The following MYO10 variants were observed in gnomAD, a reference collection of about 807,000 sequenced individuals.
The protein encoded by MYO10 is myosin X.
Under a neutral mutation model 257.3 loss-of-function variants are expected in MYO10, and 133 were observed. The ratio of observed to expected loss-of-function variants is 0.52; its 90% confidence interval spans 0.45 to 0.60. The LOEUF (loss-of-function observed/expected upper bound fraction) is 0.60, where lower values mean the gene tolerates loss of function less well. Among genes scored for constraint, MYO10 ranks in the 20% least tolerant of loss-of-function variants. The pLI is 0.00. For missense variants in MYO10, 2,399 were observed against 2,635.7 expected, an observed-to-expected ratio of 0.91 and a Z score of 1.97; for synonymous variants, 1,104 against 1,028.6, an observed-to-expected ratio of 1.07 and a Z score of -1.40.
At chr5:16,743,039 G>GA in intron 19 of MYO10, among the ~76,000 whole-genome samples, 1 of 152,290 alleles carries the variant, frequency 6.6e-6, no homozygotes, top group South Asian at 2.1e-4. Context: ...AGAATCTCTT[G>GA]AACCCGGGAG....
At chr5:16,674,821 C>T (rs181519209) in intron 35 of MYO10, 32 bp downstream of exon 35, 16 of 1,611,772 alleles carry the variant, frequency 9.9e-6, no homozygotes, top group Admixed American at 6.7e-5. Flanking sequence ...AGCAGCTCTG[C>T]CCAGCTCATC....
At chr5:16,702,507 A>G (rs1305987237) in intron 24 of MYO10, 36 bp downstream of exon 24, 6 of 1,567,750 alleles carry the variant, frequency 3.8e-6, no homozygotes. Flanking sequence ...AAGGAAGTAG[A>G]AACACAAGAG....
chr5:16,832,091 C>A (rs1490780583), intron 2 of MYO10, among the ~76,000 whole-genome samples: 1 of 152,062 alleles, frequency 6.6e-6, no homozygotes. Context: ...GGACTACAGG[C>A]GCATGCCACC....
chr5:16,812,557 C>CTG (rs1320207312), intron 3 of MYO10, among the ~76,000 whole-genome samples: 1 of 152,338 alleles, frequency 6.6e-6, no homozygotes, highest in East Asian at 1.9e-4. Flanking sequence ...AGGCCATGTG[C>CTG]TGTGAGCTGG....
chr5:16,816,665 G>A (rs977216978), intron 3 of MYO10, among the ~76,000 whole-genome samples: 2 of 151,490 alleles, frequency 1.3e-5, no homozygotes, highest in African/African-American at 4.8e-5. Flanking sequence ...CGAGTAGCTG[G>A]GATTACAGGC....
intron 27 of MYO10, among the ~76,000 whole-genome samples, chr5:16,693,715 T>C (rs931531518): frequency 6.6e-6 from 1 of 152,214 alleles, no homozygotes; most frequent in African/African-American, 2.4e-5. Context: ...TTTTCAGGCT[T>C]AGTATCTAGT....
intron 19 of MYO10, among the ~76,000 whole-genome samples, chr5:16,747,204 C>T (rs899648580): frequency 2.0e-5 from 3 of 152,212 alleles, no homozygotes; most frequent in African/African-American, 7.2e-5. Flanking sequence ...AGGAGCATGT[C>T]AGCATAAAAA....
chr5:16,927,876 T>C (rs2650459), intron 1 of MYO10, among the ~76,000 whole-genome samples: 71,503 of 152,024 alleles, frequency 0.47, 17,140 homozygotes, highest in African/African-American at 0.53. Context: ...TTAGGCCTGG[T>C]GGAAATATTT....
rs116749217 is a variant in MYO10 at position 16,913,788 on chromosome 5, T to A, written c.21+22000A>T. 5.7e-3 allele frequency among the ~76,000 whole-genome samples: 872 copies of A among 152,228 alleles called. 10 individuals carry two copies. Among genetic ancestry groups the A allele is most frequent in the African/African-American group, 0.02 (832 of 41,524 alleles). ...TTCAGAAATAAGGCCAGCAAAATTC[T>A]GAGCTCCAAGAACAACAGGCCAGGC... On this transcript the variant is annotated intron_variant, in intron 1 of 40. Transcript: ENST00000513610.
At chr5:16,888,601 G>GA (rs1025909635) in intron 1 of MYO10, among the ~76,000 whole-genome samples, 17 of 146,846 alleles carry the variant, frequency 1.2e-4, no homozygotes, top group East Asian at 4.0e-4. Context: ...GTCTCAAAAG[G>GA]AAAAAAAAAA....
At chr5:16,673,115 C>G (rs924622675) in intron 36 of MYO10, among the ~76,000 whole-genome samples, 1 of 151,114 alleles carries the variant, frequency 6.6e-6, no homozygotes, top group African/African-American at 2.4e-5. Context: ...ACAGGAAAAG[C>G]GGGTGAAAAG....
intron 2 of MYO10, among the ~76,000 whole-genome samples, chr5:16,863,699 T>TA (rs1440649664): frequency 6.6e-6 from 1 of 151,610 alleles, no homozygotes; most frequent in Non-Finnish European, 1.5e-5. Flanking sequence ...GTTTCTAGAG[T>TA]TACTAAGTCA....
chr5:16,797,500 G>T (rs375423713), intron 3 of MYO10, among the ~76,000 whole-genome samples: 1 of 152,262 alleles, frequency 6.6e-6, no homozygotes, highest in Admixed American at 6.5e-5. Flanking sequence ...AGAAGCGAAA[G>T]AAAATACTCA....
At chr5:16,930,808 T>C (rs2126808407) in intron 1 of MYO10, among the ~76,000 whole-genome samples, 1 of 152,344 alleles carries the variant, frequency 6.6e-6, no homozygotes, top group South Asian at 2.1e-4. Flanking sequence ...AGCCAAGCGC[T>C]ACTGCTAAGA....
At chr5:16,786,445 G>A (rs573998830) in intron 4 of MYO10, among the ~76,000 whole-genome samples, 1 of 152,166 alleles carries the variant, frequency 6.6e-6, no homozygotes, top group Non-Finnish European at 1.5e-5. Flanking sequence ...GGGACGAGAA[G>A]TGTTTCTGAT....
intron 4 of MYO10, among the ~76,000 whole-genome samples, chr5:16,784,798 T>C (rs765331563): frequency 8.5e-5 from 13 of 152,130 alleles, no homozygotes; most frequent in Non-Finnish European, 1.6e-4. Flanking sequence ...ATCAATTGCA[T>C]GTAATAAAAG....
intron 1 of MYO10, among the ~76,000 whole-genome samples, chr5:16,927,976 T>C (rs1746183754): frequency 6.6e-6 from 1 of 152,128 alleles, no homozygotes; most frequent in Admixed American, 6.5e-5. Context: ...AACTGTTCCA[T>C]GGGTATCGAT....
At chr5:16,816,354 G>A (rs1348985022) in intron 3 of MYO10, among the ~76,000 whole-genome samples, 6 of 135,768 alleles carry the variant, frequency 4.4e-5, no homozygotes, top group African/African-American at 8.4e-5. Context: ...AAAAAAAAAA[G>A]GCAAATACAC....
intron 1 of MYO10, among the ~76,000 whole-genome samples, chr5:16,907,070 T>C (rs1429349782): frequency 6.6e-6 from 1 of 151,808 alleles, no homozygotes; most frequent in Non-Finnish European, 1.5e-5. Flanking sequence ...GCCAAGAACA[T>C]GCCACTGCAC....
Sources: gnomAD v4.1 joint callset for allele counts (sites outside exome capture counted in the v4.1 genomes callset) on GRCh38, gnomAD v4.1.1 for gene constraint, MANE v1.5 for transcripts, NCBI Gene and HGNC (gene_info 2026-07-23, HGNC 2026-07-21) for gene names.